FDPS: variants seen among roughly 807,000 people sequenced by gnomAD.
FDPS encodes farnesyl diphosphate synthase.
FDPS carries 29 observed loss-of-function variants against 49.5 expected under a neutral mutation model. That is an observed-to-expected ratio of 0.59 (90% confidence interval 0.44 to 0.80). The LOEUF (loss-of-function observed/expected upper bound fraction) is 0.80. Ranked by LOEUF, FDPS falls within the 30% of genes least tolerant of loss-of-function variation. The pLI is 0.00. For synonymous variants in FDPS, 172 were observed against 206.4 expected, an observed-to-expected ratio of 0.83 and a Z score of 1.43; for missense variants, 414 against 525.6, an observed-to-expected ratio of 0.79 and a Z score of 2.08.
chr1:155,309,672 G>T, intron 1 of FDPS, 117 bp from the exon 2 acceptor site: 1 of 879,158 alleles, frequency 1.1e-6, no homozygotes, highest in Non-Finnish European at 1.7e-6. Flanking sequence ...CAAGAGGGAG[G>T]GGCACTCTGG....
chr1:155,317,748 G>A (rs978058672), intron 4 of FDPS, 193 bp from the exon 5 acceptor site: 14 of 553,530 alleles, frequency 2.5e-5, no homozygotes, highest in African/African-American at 7.6e-5. Flanking sequence ...GGAAGCTGAA[G>A]TGGGAGGATC....
intron 4 of FDPS, among the ~76,000 whole-genome samples, chr1:155,315,193 C>G (rs1241892327): frequency 6.6e-6 from 1 of 152,196 alleles, no homozygotes; most frequent in African/African-American, 2.4e-5. Context: ...TGCATGCTTC[C>G]TTTGCAATGT....
Position 155,310,067 on chromosome 1 carries a change from G to T in FDPS, c.201G>T (p.Met67Ile). The T allele has an allele frequency of 6.2e-7, 1 of 1,613,808 alleles. No homozygotes were observed. The highest frequency in any genetic ancestry group is 8.5e-7 in the Non-Finnish European group (1 of 1,180,012). ...GAGCCCTTTGCTCCTCCCTCAGAAT[G>T]AACGGAGACCAGAATTCAGATGTTT... is the stretch of plus-strand genomic sequence containing the variant. ...EPRALCSSLRMNGDQNSDVYA... is the reference protein window; with the variant it reads ...EPRALCSSLRINGDQNSDVYA... The change falls in exon 3 of 11, where the codon ATG (methionine) becomes ATT (isoleucine). Residue 67 changes from methionine to isoleucine, a missense_variant. Physicochemically the swap from Met to Ile is conservative, Grantham distance 10 (BLOSUM62 1). Coordinates refer to ENST00000368356, the MANE Select transcript of FDPS (RefSeq NM_002004.4).
intron 3 of FDPS, among the ~76,000 whole-genome samples, chr1:155,310,815 C>A (rs1648723107): frequency 6.6e-6 from 1 of 152,104 alleles, no homozygotes; most frequent in African/African-American, 2.4e-5. Flanking sequence ...TTGGCAGAGA[C>A]CGGGGAAGAA....
chr1:155,318,450 G>A lies in FDPS; in HGVS notation c.684+159G>A. ...GTTGGGAAGTGGGGTTGTGGTAGTG[G>A]CAAGAAAGGGCTTCTCTGTCCTGTG... On this transcript the variant is annotated intron_variant, in intron 6 of 10. Transcript: ENST00000368356. This position sits in a 1 kb window ranked among gnomAD's most constrained non-coding sequence, Gnocchi z 4.2. The A allele has an allele frequency of 1.1e-6, 1 of 924,430 alleles. No homozygotes were observed. The highest frequency in any genetic ancestry group is 1.7e-6 in the Non-Finnish European group (1 of 598,030). 57.3% of individuals were successfully genotyped at this position (924,430 alleles called of 1,614,324 possible). A position where few individuals can be genotyped will look rare whatever the true frequency, so the allele number is the denominator to read the frequency against.
chr1:155,315,280 C>T (rs1342069595), intron 4 of FDPS, among the ~76,000 whole-genome samples: 2 of 152,242 alleles, frequency 1.3e-5, no homozygotes, highest in East Asian at 1.9e-4. Flanking sequence ...TGTAGTGGCT[C>T]ATGCCTGTAA....
intron 3 of FDPS, among the ~76,000 whole-genome samples, chr1:155,311,302 G>C (rs1016199600): frequency 6.6e-6 from 1 of 152,192 alleles, no homozygotes; most frequent in Non-Finnish European, 1.5e-5. Flanking sequence ...TTGTGCCACT[G>C]CACTCCAGCC....
Position 155,318,782 on chromosome 1 carries a change from C to T in FDPS, c.773+29C>T, listed in dbSNP as rs962071890. The T allele has an allele frequency of 6.3e-7, 1 of 1,594,946 alleles. No homozygotes were observed. The highest frequency in any genetic ancestry group is 1.3e-5 in the African/African-American group (1 of 74,508). The stretch of plus-strand genomic sequence containing the variant: ...AGGGGAGGTGAGGGACAGCGCGAAC[C>T]ATGTCTGGACAGCGAGGGAGGGCTC... On this transcript the variant is annotated intron_variant, in intron 7 of 10. Transcript: ENST00000368356. The surrounding 1 kb of genome is among the most constrained non-coding windows in gnomAD (Gnocchi z 4.2).
intron 4 of FDPS, among the ~76,000 whole-genome samples, chr1:155,315,503 C>A (rs1649254536): frequency 6.6e-6 from 1 of 152,158 alleles, no homozygotes; most frequent in East Asian, 1.9e-4. Context: ...CATGGTGAAA[C>A]CCCGTCTCTA....
intron 4 of FDPS, among the ~76,000 whole-genome samples, chr1:155,315,326 C>A (rs541844145): frequency 2.6e-5 from 4 of 151,702 alleles, no homozygotes; most frequent in Non-Finnish European, 5.9e-5. Context: ...AGGTGGATCA[C>A]CTGAGGTCAG....
rs750062588 is a variant in FDPS, at chr1:155,319,567, C to T, written c.847-44C>T. 49 of 1,602,320 alleles carry T rather than the reference C, an allele frequency of 3.1e-5. No individual in the cohort carries two copies. In the Admixed American group the frequency reaches 4.5e-4, roughly 15 times the overall value. On this transcript the variant is annotated intron_variant, in intron 8 of 10. Coordinates refer to ENST00000368356, the MANE Select transcript of FDPS (RefSeq NM_002004.4). ...TGGGAGGAAGCAGCCAGGAAGATGC[C>T]GGCACCCCTGGGGTTTGGCTTATTA...
At chr1:155,316,605 C>G (rs943884652) in intron 4 of FDPS, among the ~76,000 whole-genome samples, 1 of 152,092 alleles carries the variant, frequency 6.6e-6, no homozygotes, top group Admixed American at 6.6e-5. Context: ...TGGCAAAACC[C>G]AGTCTCTACT....
At chr1:155,315,045 C>A (rs1479678478) in intron 4 of FDPS, among the ~76,000 whole-genome samples, 9 of 152,150 alleles carry the variant, frequency 5.9e-5, no homozygotes, top group Non-Finnish European at 1.2e-4. Flanking sequence ...AGCCCAGGAC[C>A]TCCACACTAC....
chr1:155,318,271 C>T lies in FDPS; in HGVS notation c.664C>T (p.Leu222=). 7 of 1,612,750 alleles carry T rather than the reference C, an allele frequency of 4.3e-6. No individual in the cohort carries two copies. Among genetic ancestry groups the T allele is most frequent in the Non-Finnish European group, 5.9e-6 (7 of 1,180,024 alleles). ...CCGGGAGCAGCCCTATTACCTGAAC[C>T]TGATCGAGCTCTTCCTGCAGGTGTA... The part of the protein sequence containing the change: ...YCREQPYYLN[L]IELFLQSSYQ... The change falls in exon 6 of 11, where the codon CTG becomes TTG. Residue 222 remains leucine, a synonymous_variant. Coordinates refer to ENST00000368356, the MANE Select transcript of FDPS (RefSeq NM_002004.4). This position sits in a 1 kb window ranked among gnomAD's most constrained non-coding sequence, Gnocchi z 4.2.
rs776155506 is a variant in FDPS at position 155,320,588 on chromosome 1, A to C, written c.1239A>C (p.Lys413Asn). 2 of 1,614,134 alleles carry C rather than the reference A, an allele frequency of 1.2e-6. No individual in the cohort carries two copies. The highest frequency in any genetic ancestry group is 1.1e-5 in the South Asian group (1 of 91,082). ...PPAVFLGLAR[K>N]IYKRRK ...CCGTCTTTCTGGGGCTTGCGCGCAA[A>C]ATCTACAAGCGGAGAAAGTGACCTA... Residue 413 changes from lysine (K) to asparagine (N), a missense_variant, in exon 11 of 11, where the codon AAA becomes AAC. Physicochemically the swap from Lys to Asn is moderately conservative, Grantham distance 94. Transcript: ENST00000368356.
In FDPS at chr1:155,318,544, C is replaced by A. The variant is rs1469503843; in HGVS notation, c.685-121C>A. 2.3e-6 allele frequency: 2 copies of A among 875,150 alleles called. No individual in the cohort carries two copies. The highest frequency in any genetic ancestry group is 1.9e-6 in the Non-Finnish European group (1 of 537,240). The allele number at this position is 875,150 out of a possible 1,614,324, so 54.2% of individuals were successfully genotyped here. A position where few individuals can be genotyped will look rare whatever the true frequency, so the allele number is the denominator to read the frequency against. On this transcript the variant is annotated intron_variant, in intron 6 of 10. Transcript: ENST00000368356. This position sits in a 1 kb window ranked among gnomAD's most constrained non-coding sequence, Gnocchi z 4.2. ...GGCCTTAAGTTTTGGGGCTTTCTCC[C>A]CTTCTGTTGCCTTTCTGATTCTGCC...
intron 10 of FDPS, 74 bp downstream of exon 10, chr1:155,320,002 T>A (rs1439068705): frequency 2.3e-5 from 36 of 1,548,872 alleles, no homozygotes; most frequent in Non-Finnish European, 3.2e-5. Flanking sequence ...TAGAGGCAGT[T>A]TTCCTCCCGA....
At position 155,318,398 on chromosome 1, in the gene FDPS, TGGAA is replaced by T. The variant is rs1396217448; in HGVS notation, c.684+110_684+113del. On this transcript the variant is annotated intron_variant, in intron 6 of 10. Coordinates refer to ENST00000368356, the MANE Select transcript of FDPS (RefSeq NM_002004.4). This position sits in a 1 kb window ranked among gnomAD's most constrained non-coding sequence, Gnocchi z 4.2. ...TCAGGGTACAGGATTGCAGCGTGCCTGGAAGGGAAAGAAAGCGAGGAAGGGTGTT... is the reference window on the plus strand; with the variant it reads ...TCAGGGTACAGGATTGCAGCGTGCCTGGGAAAGAAAGCGAGGAAGGGTGTT... The T allele has an allele frequency of 2.1e-6, 3 of 1,451,164 alleles. No homozygotes were observed. Among genetic ancestry groups the T allele is most frequent in the Non-Finnish European group, 2.8e-6 (3 of 1,056,240 alleles). 89.9% of individuals were successfully genotyped at this position (1,451,164 alleles called of 1,614,324 possible).
At position 155,309,776 on chromosome 1, in the gene FDPS, A is replaced by G. The variant is rs1216477106; in HGVS notation, c.-1-13A>G. The G allele has an allele frequency of 1.1e-5, 17 of 1,529,838 alleles. No homozygotes were observed. Among genetic ancestry groups the G allele is most frequent in the Non-Finnish European group, 1.3e-5 (15 of 1,131,132 alleles). 94.8% of individuals were successfully genotyped at this position (1,529,838 alleles called of 1,614,324 possible). A position where few individuals can be genotyped will look rare whatever the true frequency, so the allele number is the denominator to read the frequency against. The stretch of plus-strand genomic sequence containing the variant: ...AGGGAGTGCTTAGTGCCCCCTCCCT[A>G]TGCCACTCCCAGGATGCCCCTGTCC... On this transcript the variant is annotated splice_polypyrimidine_tract_variant and intron_variant, in intron 1 of 10. Coordinates refer to ENST00000368356, the MANE Select transcript of FDPS (RefSeq NM_002004.4).
Sources: allele counts gnomAD v4.1 joint callset (sites outside exome capture counted in the v4.1 genomes callset), GRCh38; gene constraint gnomAD v4.1.1; non-coding constraint Gnocchi (gnomAD v3.1); transcripts MANE v1.5; gene names NCBI Gene and HGNC (gene_info 2026-07-23, HGNC 2026-07-21).